The following DNAH11 variants were observed in gnomAD, a reference collection of about 807,000 sequenced individuals.
The protein encoded by DNAH11 is dynein axonemal heavy chain 11, also known as axonemal beta dynein heavy chain 11.
Under a neutral mutation model 526.0 loss-of-function variants are expected in DNAH11, and 442 were observed. The observed-to-expected ratio is 0.84, with a 90% CI of 0.78 to 0.91. The LOEUF is 0.91. Among genes scored for constraint, DNAH11 ranks in the 40% least tolerant of loss-of-function variants. DNAH11 has a pLI of 0.00. For missense variants in DNAH11, 6,989 were observed against 5,448.7 expected (o/e 1.28, Z -8.90); for synonymous variants, 2,461 against 1,935.9 (o/e 1.27, Z -7.12).
intron 63 of DNAH11, among the ~76,000 whole-genome samples, chr7:21,809,165 G>A (rs1789400317): frequency 1.3e-5 from 2 of 151,992 alleles, no homozygotes; most frequent in Admixed American, 1.3e-4. Context: ...TTACCTATTG[G>A]CCATTTGTAC....
At chr7:21,605,323 T>G (rs890899997) in intron 18 of DNAH11, among the ~76,000 whole-genome samples, 2 of 152,226 alleles carry the variant, frequency 1.3e-5, no homozygotes, top group African/African-American at 4.8e-5. Flanking sequence ...CAAAACAATT[T>G]CACTGTCCCA....
intron 68 of DNAH11, among the ~76,000 whole-genome samples, chr7:21,858,971 T>C (rs1482255041): frequency 1.3e-5 from 2 of 152,204 alleles, no homozygotes; most frequent in Non-Finnish European, 2.9e-5. Context: ...TGAAACTTTT[T>C]GAATGCTGAC....
chr7:21,881,112 A>T (rs1429633513), intron 75 of DNAH11, among the ~76,000 whole-genome samples: 2 of 151,960 alleles, frequency 1.3e-5, no homozygotes, highest in Non-Finnish European at 2.9e-5. Context: ...GTTCTACATC[A>T]GCAGCTTAGT....
chr7:21,595,045 C>T (rs1028429481), intron 14 of DNAH11, among the ~76,000 whole-genome samples: 9 of 152,084 alleles, frequency 5.9e-5, no homozygotes, highest in Non-Finnish European at 1.3e-4. Flanking sequence ...CTAGGGGTTC[C>T]GTATGTTCAG....
chr7:21,834,784 G>T (rs1369789257), intron 65 of DNAH11, among the ~76,000 whole-genome samples: 1 of 152,172 alleles, frequency 6.6e-6, no homozygotes, highest in African/African-American at 2.4e-5. Flanking sequence ...GTTCAAGGTT[G>T]CAGTGAGCTA....
At chr7:21,703,255 T>C (rs1387384276) in intron 37 of DNAH11, among the ~76,000 whole-genome samples, 1 of 152,094 alleles carries the variant, frequency 6.6e-6, no homozygotes, top group Non-Finnish European at 1.5e-5. Context: ...AAATGCGTGA[T>C]TGGTTGGTCA....
chr7:21,717,376 A>G (rs566447461), intron 42 of DNAH11, among the ~76,000 whole-genome samples: 1 of 152,244 alleles, frequency 6.6e-6, no homozygotes, highest in African/African-American at 2.4e-5. Flanking sequence ...CTGATTTCTT[A>G]TTACTAAATA....
intron 25 of DNAH11, among the ~76,000 whole-genome samples, chr7:21,622,084 C>G (rs1434487727): frequency 6.6e-6 from 1 of 152,006 alleles, no homozygotes; most frequent in African/African-American, 2.4e-5. Flanking sequence ...TGTCTCAGCC[C>G]AAAATCTCCT....
chr7:21,759,293 T>TA (rs1335565865), intron 54 of DNAH11, among the ~76,000 whole-genome samples: 1 of 152,214 alleles, frequency 6.6e-6, no homozygotes, highest in Non-Finnish European at 1.5e-5. Flanking sequence ...CAAAAATCTG[T>TA]GATGTCCAAT....
At position 21,606,428 on chromosome 7, in the gene DNAH11, A is replaced by G; in HGVS notation, c.3651A>G (p.Glu1217=). Residue 1217 remains glutamate (E), a splice_region_variant and synonymous_variant, in exon 19 of 82, where the codon GAA becomes GAG. Coordinates refer to ENST00000409508, the MANE Select transcript of DNAH11 (RefSeq NM_001277115.2). ...CATTTGTGCCTTTGCTTTTGCAGGA[A>G]TTACCTGAAAGATGGGAAACTACCA... The part of the protein sequence containing the change: ...MPEQVYIQLE[E]LPERWETTKK... 6.2e-7 allele frequency: 1 copy of G among 1,606,396 alleles called. No individual in the cohort carries two copies. The highest frequency in any genetic ancestry group is 1.3e-5 in the African/African-American group (1 of 74,702).
At chr7:21,718,188 G>A (rs772688261) in intron 43 of DNAH11, among the ~76,000 whole-genome samples, 7 of 151,246 alleles carry the variant, frequency 4.6e-5, no homozygotes, top group South Asian at 2.1e-4. Context: ...ATGTTTTACT[G>A]ATTTTTTTTT....
intron 64 of DNAH11, 142 bp from the exon 65 acceptor site, chr7:21,818,075 G>C (rs1488976891): frequency 1.4e-6 from 1 of 706,952 alleles, no homozygotes; most frequent in East Asian, 2.9e-5. Context: ...TAGTGGAAGG[G>C]AACTACTACT....
chr7:21,653,591 C>T (rs1283304664), intron 28 of DNAH11, among the ~76,000 whole-genome samples: 1 of 152,152 alleles, frequency 6.6e-6, no homozygotes, highest in Admixed American at 6.6e-5. Context: ...CATTCAACAT[C>T]TGTGTACTTC....
chr7:21,826,338 A>T (rs1259111888), intron 65 of DNAH11, among the ~76,000 whole-genome samples: 47 of 152,288 alleles, frequency 3.1e-4, no homozygotes, highest in African/African-American at 1.1e-3. Context: ...GCAAAGTAGG[A>T]GATATGGTAA....
rs375511101 is a variant in DNAH11, at chr7:21,765,506, G to A, written c.9019G>A (p.Ala3007Thr). 1.2e-6 allele frequency: 2 copies of A among 1,613,824 alleles called. No homozygotes were observed. Among genetic ancestry groups the A allele is most frequent in the South Asian group, 1.1e-5 (1 of 91,070 alleles). The change falls in exon 55 of 82, where the codon GCT (alanine) becomes ACT (threonine). Residue 3007 changes from alanine (A) to threonine (T), a missense_variant. Transcript: ENST00000409508. ...RKFPAIVNCT[A>T]IDWFHAWPQE... is the part of the protein sequence containing the mutation. The stretch of plus-strand genomic sequence containing the variant: ...GTTCCCAGCCATAGTTAACTGCACG[G>A]CTATTGACTGGTTTCATGCGTGGCC...
intron 58 of DNAH11, among the ~76,000 whole-genome samples, chr7:21,786,236 C>T (rs945672253): frequency 1.3e-5 from 2 of 151,776 alleles, no homozygotes; most frequent in African/African-American, 4.8e-5. Context: ...CTGGGAGGGG[C>T]TTGGTTAAGA....
chr7:21,617,716 C>T lies in DNAH11; in HGVS notation c.4193C>T (p.Thr1398Ile). ...KDMTASLRAI[T>I]ELQSPALRDR... ...ATGACAGCCTCCCTGAGGGCCATCA[C>T]AGAGTTACAGAGCCCTGCCCTCAGG... The change falls in exon 23 of 82, where the codon ACA (threonine) becomes ATA (isoleucine). Residue 1398 changes from threonine (T) to isoleucine (I), a missense_variant. Transcript: ENST00000409508. 2.5e-6 allele frequency: 4 copies of T among 1,613,516 alleles called. No individual in the cohort carries two copies. In the African/African-American group the frequency reaches 4.0e-5, roughly 16 times the overall value.
At chr7:21,812,488 G>A (rs1789568042) in intron 63 of DNAH11, among the ~76,000 whole-genome samples, 1 of 150,902 alleles carries the variant, frequency 6.6e-6, no homozygotes, top group African/African-American at 2.4e-5. Context: ...GGGCTACACA[G>A]TGAGACACTA....
chr7:21,566,216 C>T (rs954723425), intron 6 of DNAH11, among the ~76,000 whole-genome samples: 25 of 152,284 alleles, frequency 1.6e-4, no homozygotes, highest in African/African-American at 6.0e-4. Flanking sequence ...AACTTCTCAT[C>T]CCTGGCTTCT....
Sources: gnomAD v4.1 joint callset for allele counts (sites outside exome capture counted in the v4.1 genomes callset) on GRCh38, gnomAD v4.1.1 for gene constraint, MANE v1.5 for transcripts, NCBI Gene and HGNC (gene_info 2026-07-23, HGNC 2026-07-21) for gene names.